The following EML5 variants were observed in gnomAD, a reference collection of about 807,000 sequenced individuals.
EML5 encodes the protein EMAP like 5, also known as echinoderm microtubule-associated protein-like 5.
A neutral mutation model predicts 250.0 loss-of-function variants in EML5; 120 were observed. The observed-to-expected ratio is 0.48, with a 90% CI of 0.41 to 0.56. The LOEUF (loss-of-function observed/expected upper bound fraction) is 0.56, where lower values mean the gene tolerates loss of function less well. EML5 is among the 20% of genes least tolerant of loss of function. EML5 has a pLI of 0.00. For synonymous variants in EML5, 771 were observed against 806.5 expected, an observed-to-expected ratio of 0.96 and a Z score of 0.75; for missense variants, 2,006 against 2,437.6, an observed-to-expected ratio of 0.82 and a Z score of 3.73.
chr14:88,626,863 G>T lies in EML5; in HGVS notation c.4715C>A (p.Thr1572Asn). The change falls in exon 35 of 44, where the codon ACC becomes AAC. Residue 1572 changes from threonine (T) to asparagine (N), a missense_variant. By Grantham distance (65) the Thr-to-Asn change is moderately conservative (BLOSUM62 0). This residue lies in a region of EML5 where 405 missense variants were observed against 523.3 expected (regional missense o/e 0.77). Transcript: ENST00000554922. ...TGCACCAAATGCAATAGCGAGCATG[G>T]TCTGCATCCGGGCATCTTCCAGTGT... ...LSTLEDARMQ[T>N]MLAIAFGANN... 1 of 1,613,914 alleles carries T rather than the reference G, an allele frequency of 6.2e-7. No individual in the cohort carries two copies. Among genetic ancestry groups the T allele is most frequent in the South Asian group, 1.1e-5 (1 of 91,074 alleles).
intron 37 of EML5, 155 bp downstream of exon 37, chr14:88,622,449 G>A: frequency 1.9e-6 from 1 of 535,380 alleles, no homozygotes; most frequent in Non-Finnish European, 3.0e-6. Context: ...GCTAACTTTG[G>A]CAAAGAAAGC....
chr14:88,616,910 A>G (rs1226771236), intron 41 of EML5, 31 bp from the exon 42 acceptor site: 4 of 1,608,634 alleles, frequency 2.5e-6, no homozygotes, highest in Non-Finnish European at 3.4e-6. Flanking sequence ...AAAACTCATC[A>G]TGGCAAGTGC....
intron 25 of EML5, among the ~76,000 whole-genome samples, chr14:88,658,657 G>C (rs886185385): frequency 3.3e-5 from 5 of 152,058 alleles, no homozygotes; most frequent in Admixed American, 2.6e-4. Context: ...TGCATTAAAA[G>C]CATAAAAATG....
chr14:88,765,904 C>T (rs568376164), intron 1 of EML5, among the ~76,000 whole-genome samples: 21 of 152,266 alleles, frequency 1.4e-4, no homozygotes, highest in African/African-American at 4.3e-4. Flanking sequence ...ACGGAGGGAC[C>T]GGCTGAAGCC....
At chr14:88,649,006 C>G (rs957116299) in intron 28 of EML5, among the ~76,000 whole-genome samples, 12 of 151,964 alleles carry the variant, frequency 7.9e-5, no homozygotes, top group African/African-American at 2.9e-4. Flanking sequence ...TATCTCCCAG[C>G]ATTTTCCTAG....
At chr14:88,741,910 A>C (rs2093930238) in intron 4 of EML5, among the ~76,000 whole-genome samples, 1 of 152,166 alleles carries the variant, frequency 6.6e-6, no homozygotes, top group Admixed American at 6.5e-5. Context: ...TTATCTATTC[A>C]AAGATCTAAT....
chr14:88,628,925 G>A (rs954896262), intron 33 of EML5, among the ~76,000 whole-genome samples: 2 of 151,810 alleles, frequency 1.3e-5, no homozygotes, highest in African/African-American at 4.8e-5. Flanking sequence ...ATACATAAAA[G>A]TTTATCATAT....
At chr14:88,726,892 A>G (rs2093674195) in intron 7 of EML5, among the ~76,000 whole-genome samples, 1 of 152,164 alleles carries the variant, frequency 6.6e-6, no homozygotes, top group Admixed American at 6.6e-5. Flanking sequence ...TTTTGGCGAC[A>G]TCACGTCACT....
Position 88,792,720 on chromosome 14 carries a change from G to C in EML5, c.-217C>G. 1 of 1,095,870 alleles carries C rather than the reference G, an allele frequency of 9.1e-7. No individual in the cohort carries two copies. The highest frequency in any genetic ancestry group is 5.2e-5 in the Admixed American group (1 of 19,310). The allele number at this position is 1,095,870 out of a possible 1,614,324, so 67.9% of individuals were successfully genotyped here. On this transcript the variant is annotated 5_prime_UTR_variant, in exon 1 of 44. Coordinates refer to ENST00000554922, the MANE Select transcript of EML5 (RefSeq NM_183387.3). The surrounding 1 kb of genome is among the most constrained non-coding windows in gnomAD (Gnocchi z 6.9). Reference sequence around the variant, plus strand: ...CGCCTCGCGGAACATGCTGAGGGCCGCGAGCGCCGCCGGCTGTCAAGTGGA... The same window carrying C: ...CGCCTCGCGGAACATGCTGAGGGCCCCGAGCGCCGCCGGCTGTCAAGTGGA...
chr14:88,668,637 A>G (rs964898701), intron 21 of EML5, among the ~76,000 whole-genome samples: 18 of 152,104 alleles, frequency 1.2e-4, no homozygotes, highest in African/African-American at 4.3e-4. Context: ...GCTACAAAAG[A>G]GGGAAGAGAA....
intron 25 of EML5, among the ~76,000 whole-genome samples, chr14:88,658,648 G>T (rs1567076389): frequency 3.3e-5 from 5 of 152,068 alleles, no homozygotes; most frequent in Admixed American, 2.6e-4. Flanking sequence ...TTGGTATTCT[G>T]CATTAAAAGC....
intron 7 of EML5, among the ~76,000 whole-genome samples, chr14:88,729,716 T>C (rs1478580147): frequency 6.6e-6 from 1 of 151,914 alleles, no homozygotes; most frequent in Non-Finnish European, 1.5e-5. Context: ...TGTGCCACCA[T>C]TCCCCGGCTT....
intron 31 of EML5, 96 bp from the exon 32 acceptor site, chr14:88,639,003 G>T: frequency 1.1e-6 from 1 of 907,358 alleles, no homozygotes; most frequent in Non-Finnish European, 1.7e-6. Flanking sequence ...TAACTTATTT[G>T]CTTATTCAAA....
intron 36 of EML5, 87 bp from the exon 37 acceptor site, chr14:88,622,805 C>CTT (rs11382327): frequency 0.033 from 16,096 of 487,974 alleles, 1 homozygote; most frequent in Non-Finnish European, 0.041. Context: ...TAAGCAGAAT[C>CTT]TTTTTTTTTT....
intron 15 of EML5, among the ~76,000 whole-genome samples, chr14:88,696,205 A>G (rs946292430): frequency 6.6e-6 from 1 of 151,590 alleles, no homozygotes; most frequent in African/African-American, 2.4e-5. Flanking sequence ...GAACTCTACT[A>G]TGGATAATTT....
At chr14:88,625,688 C>T (rs1214364748) in intron 35 of EML5, 2 of 152,460 alleles carry the variant, frequency 1.3e-5, no homozygotes, top group African/African-American at 4.8e-5. Flanking sequence ...AGGTGTGAGC[C>T]ACTGTGCCCG....
At chr14:88,639,000 T>C (rs947899528) in intron 31 of EML5, 93 bp from the exon 32 acceptor site, 29 of 923,596 alleles carry the variant, frequency 3.1e-5, no homozygotes, top group Non-Finnish European at 4.4e-5. Flanking sequence ...CTTTAACTTA[T>C]TTGCTTATTC....
rs562196395 is a variant in EML5 at position 88,666,726 on chromosome 14, G to C, written c.3125-1237C>G. On this transcript the variant is annotated intron_variant, in intron 21 of 43. Coordinates refer to ENST00000554922, the MANE Select transcript of EML5 (RefSeq NM_183387.3). The stretch of plus-strand genomic sequence containing the variant: ...TGCTGCATTGATAAACACAAAAAAG[G>C]GCTTACCCTAACAGCAAGGGTTGCA... 8.0e-4 allele frequency among the ~76,000 whole-genome samples: 121 copies of C among 151,898 alleles called. 1 individual carries two copies. Among genetic ancestry groups the C allele is most frequent in the African/African-American group, 2.6e-3 (109 of 41,416 alleles).
At chr14:88,734,609 C>T (rs546808681) in intron 7 of EML5, among the ~76,000 whole-genome samples, 12 of 152,038 alleles carry the variant, frequency 7.9e-5, no homozygotes, top group Non-Finnish European at 1.2e-4. Flanking sequence ...CTAATCTAGA[C>T]GATAATCATC....
Sources: gnomAD v4.1 joint callset for allele counts (sites outside exome capture counted in the v4.1 genomes callset) on GRCh38, gnomAD v4.1.1 for gene constraint, gnomAD v4.1.1 regional missense constraint, Gnocchi (gnomAD v3.1) non-coding constraint, MANE v1.5 for transcripts, NCBI Gene and HGNC (gene_info 2026-07-23, HGNC 2026-07-21) for gene names.